ANO6: variants seen among roughly 807,000 people sequenced by gnomAD.
ANO6 encodes the protein anoctamin-6.
Under a neutral mutation model 117.5 loss-of-function variants are expected in ANO6, and 106 were observed. That is an observed-to-expected ratio of 0.90 (90% CI 0.77 to 1.06). ANO6 has a LOEUF of 1.06. ANO6 is among the 50% of genes least tolerant of loss of function. The probability of loss-of-function intolerance (pLI) is 0.00; values close to 1 mark genes in which losing one functional copy is unlikely to be tolerated. For missense variants in ANO6, 955 were observed against 1,121.1 expected (o/e 0.85, Z 2.12); for synonymous variants, 367 against 385.1 (o/e 0.95, Z 0.55).
chr12:45,403,290 C>T, intron 14 of ANO6, 49 bp downstream of exon 14: 2 of 1,587,826 alleles, frequency 1.3e-6, no homozygotes, highest in Non-Finnish European at 1.7e-6. Context: ...TGAGTTTTCT[C>T]TCAGTTGCCC....
intron 3 of ANO6, among the ~76,000 whole-genome samples, chr12:45,338,068 A>G (rs1228993481): frequency 6.6e-6 from 1 of 152,126 alleles, no homozygotes; most frequent in East Asian, 1.9e-4. Context: ...ATGATTTATT[A>G]TCAACCATAA....
chr12:45,350,525 G>A, intron 6 of ANO6, 134 bp from the exon 7 acceptor site: 1 of 734,732 alleles, frequency 1.4e-6, no homozygotes, highest in Non-Finnish European at 2.4e-6. Context: ...AAAATTAGAT[G>A]GTATTTCCAC....
intron 2 of ANO6, among the ~76,000 whole-genome samples, chr12:45,310,708 G>T (rs888786593): frequency 7.2e-5 from 11 of 152,038 alleles, no homozygotes; most frequent in Non-Finnish European, 4.4e-5. Flanking sequence ...GTTAACCAGG[G>T]TATTAAAAGA....
chr12:45,237,258 T>C (rs538887968), intron 1 of ANO6, among the ~76,000 whole-genome samples: 2 of 152,388 alleles, frequency 1.3e-5, no homozygotes, highest in East Asian at 1.9e-4. Context: ...TTTTGGCTTA[T>C]GTTGCCATTG....
rs564333017 is a variant in ANO6 at position 45,288,904 on chromosome 12, C to T, written c.71-13110C>T. ...CTGGGACTACAGGCGCCTGCCACCA[C>T]GCCCGGCTAATTTTTGTATTTTTTT... On this transcript the variant is annotated intron_variant, in intron 1 of 19. Coordinates refer to ENST00000320560, the MANE Select transcript of ANO6 (RefSeq NM_001025356.3). Among the ~76,000 whole-genome samples the T allele has an allele frequency of 3.5e-4, 53 of 152,022 alleles. No homozygotes were observed. In the South Asian group the frequency reaches 9.8e-3, roughly 28 times the overall value.
At position 45,431,608 on chromosome 12, in the gene ANO6, A is replaced by AGTT; in HGVS notation, c.*2300_*2302dup. On this transcript the variant is annotated 3_prime_UTR_variant, in exon 20 of 20. Coordinates refer to ENST00000320560, the MANE Select transcript of ANO6 (RefSeq NM_001025356.3). Reference sequence around the variant, plus strand: ...ACTGTTAAGATGCCCAAAAGAGCAAAGTTGTAGTGGAGATGCAGGGTCATT... The same window carrying AGTT: ...ACTGTTAAGATGCCCAAAAGAGCAAAGTTGTTGTAGTGGAGATGCAGGGTCATT... The AGTT allele has an allele frequency of 4.1e-6, 4 of 985,472 alleles. No homozygotes were observed. Among genetic ancestry groups the AGTT allele is most frequent in the Non-Finnish European group, 4.8e-6 (4 of 829,946 alleles). 61.0% of individuals were successfully genotyped at this position (985,472 alleles called of 1,614,324 possible).
intron 1 of ANO6, among the ~76,000 whole-genome samples, chr12:45,220,091 C>G (rs1415958108): frequency 6.6e-6 from 1 of 152,052 alleles, no homozygotes; most frequent in East Asian, 1.9e-4. Flanking sequence ...AGCCAGAATG[C>G]AGAAATCAGA....
chr12:45,383,095 C>T (rs1216578897), intron 10 of ANO6: 1 of 185,402 alleles, frequency 5.4e-6, no homozygotes, highest in Admixed American at 5.7e-5. Context: ...GCTTTATCTA[C>T]TAAGTTTGTG....
chr12:45,263,712 G>A (rs1938123467), intron 1 of ANO6, among the ~76,000 whole-genome samples: 1 of 152,126 alleles, frequency 6.6e-6, no homozygotes, highest in Non-Finnish European at 1.5e-5. Context: ...AAGAGCCAAG[G>A]AGGGTCAGAG....
intron 12 of ANO6, among the ~76,000 whole-genome samples, chr12:45,394,005 TA>T (rs2137596393): frequency 6.6e-6 from 1 of 152,260 alleles, no homozygotes; most frequent in South Asian, 2.1e-4. Flanking sequence ...ATATTAAACT[TA>T]AACGTAAATG....
At chr12:45,271,932 T>C (rs939995743) in intron 1 of ANO6, among the ~76,000 whole-genome samples, 2 of 152,218 alleles carry the variant, frequency 1.3e-5, no homozygotes, top group African/African-American at 4.8e-5. Context: ...TCCTAAGTCT[T>C]CATACTTTCA....
chr12:45,235,926 G>T (rs1353667093), intron 1 of ANO6, among the ~76,000 whole-genome samples: 1 of 152,206 alleles, frequency 6.6e-6, no homozygotes, highest in Non-Finnish European at 1.5e-5. Context: ...CACCCTTGGG[G>T]CAAGTTCTTC....
chr12:45,381,176 C>T (rs1425669773), intron 10 of ANO6, among the ~76,000 whole-genome samples: 2 of 152,158 alleles, frequency 1.3e-5, no homozygotes, highest in Admixed American at 6.5e-5. Flanking sequence ...GCTCTGAAAC[C>T]TTTTTATGTA....
intron 1 of ANO6, among the ~76,000 whole-genome samples, chr12:45,271,307 A>T (rs1938388620): frequency 6.6e-6 from 1 of 152,240 alleles, no homozygotes; most frequent in South Asian, 2.1e-4. Context: ...GAAGTAAATG[A>T]TGCTATTTTA....
chr12:45,297,214 G>T (rs1592931404), intron 1 of ANO6, among the ~76,000 whole-genome samples: 1 of 151,972 alleles, frequency 6.6e-6, no homozygotes, highest in South Asian at 2.1e-4. Context: ...AATTTTAATG[G>T]CAACCAATCC....
At chr12:45,403,899 CCT>C (rs997490016) in intron 15 of ANO6, among the ~76,000 whole-genome samples, 7 of 152,132 alleles carry the variant, frequency 4.6e-5, no homozygotes, top group African/African-American at 1.7e-4. Context: ...ATATCCTTCT[CCT>C]CTCTTTCCTA....
chr12:45,312,006 TTC>T (rs1939865237), intron 2 of ANO6, among the ~76,000 whole-genome samples: 1 of 152,072 alleles, frequency 6.6e-6, no homozygotes, highest in African/African-American at 2.4e-5. Context: ...ACAGTGTTCA[TTC>T]TACCTGGTTT....
chr12:45,219,510 T>C (rs1002346792), intron 1 of ANO6, among the ~76,000 whole-genome samples: 3 of 149,220 alleles, frequency 2.0e-5, no homozygotes, highest in African/African-American at 7.4e-5. Context: ...CCAATTTTTT[T>C]TTTTTTTTTT....
chr12:45,216,476 C>G (rs917411300), intron 1 of ANO6, 85 bp downstream of exon 1: 2 of 1,481,712 alleles, frequency 1.3e-6, no homozygotes, highest in Non-Finnish European at 1.8e-6. Flanking sequence ...GCGCTGTGCT[C>G]TCCGCGGGGG....
Sources: allele counts gnomAD v4.1 joint callset (sites outside exome capture counted in the v4.1 genomes callset), GRCh38; gene constraint gnomAD v4.1.1; transcripts MANE v1.5; gene names NCBI Gene and HGNC (gene_info 2026-07-23, HGNC 2026-07-21).